The following CCDC73 variants were observed in gnomAD, a reference collection of about 807,000 sequenced individuals.
CCDC73 encodes coiled-coil domain-containing protein 73.
A neutral mutation model predicts 116.5 loss-of-function variants in CCDC73; 95 were observed. That is an observed-to-expected ratio of 0.82 (90% CI 0.69 to 0.97). The LOEUF is 0.97. CCDC73 is among the 50% of genes least tolerant of loss of function. The probability of loss-of-function intolerance (pLI) is 0.00; values close to 1 mark genes in which losing one functional copy is unlikely to be tolerated. For missense variants in CCDC73, 1,066 were observed against 1,206.8 expected (o/e 0.88, Z 1.73); for synonymous variants, 398 against 401.3 (o/e 0.99, Z 0.10).
At chr11:32,755,116 G>A (rs959989852) in intron 2 of CCDC73, among the ~76,000 whole-genome samples, 9 of 148,102 alleles carry the variant, frequency 6.1e-5, no homozygotes, top group Non-Finnish European at 1.0e-4. Flanking sequence ...TCGATCTCCT[G>A]ACCTCGTGAT....
chr11:32,684,862 C>G (rs1371234126), intron 6 of CCDC73, among the ~76,000 whole-genome samples: 2 of 151,966 alleles, frequency 1.3e-5, no homozygotes, highest in African/African-American at 4.8e-5. Flanking sequence ...TGCCTGTGAT[C>G]CCAGCTACTC....
At chr11:32,644,523 G>A (rs903371029) in intron 12 of CCDC73, among the ~76,000 whole-genome samples, 3 of 152,032 alleles carry the variant, frequency 2.0e-5, no homozygotes, top group African/African-American at 4.8e-5. Flanking sequence ...CCATTTTTAG[G>A]TGTATAATTC....
At chr11:32,747,299 AAGCT>A (rs1406544092) in intron 2 of CCDC73, among the ~76,000 whole-genome samples, 1 of 151,980 alleles carries the variant, frequency 6.6e-6, no homozygotes, top group East Asian at 1.9e-4. Flanking sequence ...CTTCCTCTGG[AAGCT>A]TCGTCCCAGA....
rs138159126 is a variant in CCDC73, at chr11:32,701,055, C to T, written c.280-229G>A. On this transcript the variant is annotated intron_variant, in intron 4 of 17. Coordinates refer to ENST00000335185, the MANE Select transcript of CCDC73 (RefSeq NM_001008391.4). Reference sequence around the variant, plus strand: ...TTTATTTATTTGAGATGAGGTCTTGCTATGTTGCCCAGGCTATACTCCAAC... The same window carrying T: ...TTTATTTATTTGAGATGAGGTCTTGTTATGTTGCCCAGGCTATACTCCAAC... Among the ~76,000 whole-genome samples the T allele has an allele frequency of 7.2e-3, 1,095 of 152,126 alleles. 12 individuals are homozygous for T. Among genetic ancestry groups the T allele is most frequent in the African/African-American group, 0.025 (1,024 of 41,522 alleles).
intron 11 of CCDC73, 139 bp from the exon 12 acceptor site, chr11:32,653,366 C>T: frequency 2.0e-6 from 1 of 507,792 alleles, no homozygotes; most frequent in Non-Finnish European, 3.4e-6. Context: ...AAACTAATGG[C>T]ACATCTAATG....
At chr11:32,624,952 G>A (rs771779180) in intron 14 of CCDC73, among the ~76,000 whole-genome samples, 7 of 152,202 alleles carry the variant, frequency 4.6e-5, no homozygotes, top group South Asian at 2.1e-4. Context: ...AACACCGCAC[G>A]TTCTCACTCA....
At chr11:32,605,093 C>T (rs1164099257) in intron 17 of CCDC73, 2 of 151,320 alleles carry the variant, frequency 1.3e-5, no homozygotes, top group Non-Finnish European at 2.9e-5. Flanking sequence ...ACCTCATGAT[C>T]CACCTGCCTC....
chr11:32,607,377 C>T (rs929253525), intron 17 of CCDC73, among the ~76,000 whole-genome samples: 1 of 152,158 alleles, frequency 6.6e-6, no homozygotes, highest in African/African-American at 2.4e-5. Context: ...CAGGCGTGAG[C>T]CACCGCGCCC....
At position 32,723,484 on chromosome 11, in the gene CCDC73, G is replaced by A. The variant is rs369927415; in HGVS notation, c.136-5337C>T. On this transcript the variant is annotated intron_variant, in intron 2 of 17. Coordinates refer to ENST00000335185, the MANE Select transcript of CCDC73 (RefSeq NM_001008391.4). ...ATGAGAAACTGAGTTGAGCAATTTC[G>A]TAGGAGGTGGATTATCAGTTTGAAA... Among the ~76,000 whole-genome samples the A allele has an allele frequency of 7.9e-5, 12 of 152,266 alleles. No homozygotes were observed. In the South Asian group the frequency reaches 8.3e-4, roughly 11 times the overall value.
chr11:32,652,255 G>C (rs892781599), intron 12 of CCDC73, among the ~76,000 whole-genome samples: 8 of 150,362 alleles, frequency 5.3e-5, no homozygotes, highest in Admixed American at 6.6e-5. Context: ...AGTGAGCCAA[G>C]ATCATGCCAC....
intron 1 of CCDC73, among the ~76,000 whole-genome samples, chr11:32,788,287 TA>T (rs1850645302): frequency 6.6e-6 from 1 of 152,136 alleles, no homozygotes; most frequent in African/African-American, 2.4e-5. Flanking sequence ...CTGTGATAGA[TA>T]AACTTTTAGA....
At chr11:32,720,438 G>C (rs1565084448) in intron 2 of CCDC73, among the ~76,000 whole-genome samples, 1 of 152,104 alleles carries the variant, frequency 6.6e-6, no homozygotes, top group African/African-American at 2.4e-5. Context: ...GTGAAAGACT[G>C]AATGCTTTCC....
At chr11:32,776,925 T>TAAAAA (rs747492382) in intron 1 of CCDC73, among the ~76,000 whole-genome samples, 20 of 127,008 alleles carry the variant, frequency 1.6e-4, no homozygotes, top group African/African-American at 6.0e-4. Context: ...AGAGTATGGT[T>TAAAAA]AAAAAAAAAA....
intron 1 of CCDC73, among the ~76,000 whole-genome samples, chr11:32,778,086 A>ACCATATT (rs1850552675): frequency 1.3e-5 from 2 of 152,258 alleles, no homozygotes. Flanking sequence ...TAATAATAAA[A>ACCATATT]ACATGTTAAA....
At chr11:32,829,764 C>T in the CCDC73 span, 19 of 985,066 alleles carry the variant, frequency 1.9e-5, no homozygotes, top group Admixed American at 1.2e-4. Context: ...TGGCGGCAGG[C>T]GGCTGGCCCG....
intron 13 of CCDC73, among the ~76,000 whole-genome samples, chr11:32,640,389 G>A (rs1250643284): frequency 6.6e-6 from 1 of 152,002 alleles, no homozygotes; most frequent in Non-Finnish European, 1.5e-5. Context: ...AATTTTCTTA[G>A]CTAAACTGAT....
Position 32,731,142 on chromosome 11 carries a change from G to A in CCDC73, c.136-12995C>T, listed in dbSNP as rs572611338. Among the ~76,000 whole-genome samples the A allele has an allele frequency of 2.5e-4, 38 of 152,320 alleles. 1 individual carries two copies. The highest frequency in any genetic ancestry group is 3.4e-3 in the Middle Eastern group (1 of 294). On this transcript the variant is annotated intron_variant, in intron 2 of 17. Coordinates refer to ENST00000335185, the MANE Select transcript of CCDC73 (RefSeq NM_001008391.4). ...GGAGATTATATCCTGCACCTGGCTC[G>A]GAGGGTCCCACACCCACGGAGCTTG... is the stretch of plus-strand genomic sequence containing the variant.
chr11:32,780,870 C>T (rs144097167), intron 1 of CCDC73, among the ~76,000 whole-genome samples: 5 of 152,260 alleles, frequency 3.3e-5, no homozygotes, highest in Non-Finnish European at 5.9e-5. Context: ...GGACATGAAC[C>T]CAGCAATCTG....
intron 2 of CCDC73, among the ~76,000 whole-genome samples, chr11:32,754,018 T>G (rs1850311073): frequency 6.6e-6 from 1 of 152,240 alleles, no homozygotes; most frequent in Non-Finnish European, 1.5e-5. Flanking sequence ...AATGATTTAT[T>G]TATTCCTGCA....
Sources: gnomAD v4.1 joint callset for allele counts (sites outside exome capture counted in the v4.1 genomes callset) on GRCh38, gnomAD v4.1.1 for gene constraint, MANE v1.5 for transcripts, NCBI Gene and HGNC (gene_info 2026-07-23, HGNC 2026-07-21) for gene names.